Variants in AUTS2 observed in about 807,000 individuals in gnomAD.
The protein encoded by AUTS2 is autism susceptibility gene 2 protein.
A neutral mutation model predicts 112.4 loss-of-function variants in AUTS2; 17 were observed. The observed-to-expected ratio is 0.15, with a 90% CI of 0.10 to 0.23. AUTS2 has a LOEUF of 0.23. Among genes scored for constraint, AUTS2 ranks in the 10% least tolerant of loss-of-function variants. The pLI is 1.00. For synonymous variants in AUTS2, 751 were observed against 702.7 expected, an observed-to-expected ratio of 1.07 and a Z score of -1.09; for missense variants, 1,510 against 1,701.6, an observed-to-expected ratio of 0.89 and a Z score of 1.98.
At chr7:70,712,971 C>T (rs960543590) in intron 6 of AUTS2, among the ~76,000 whole-genome samples, 1 of 152,178 alleles carries the variant, frequency 6.6e-6, no homozygotes, top group Non-Finnish European at 1.5e-5. Flanking sequence ...GCCCCTGCAC[C>T]TACCATTTCC....
intron 2 of AUTS2, among the ~76,000 whole-genome samples, chr7:69,964,491 A>G (rs1003364635): frequency 3.3e-5 from 5 of 152,184 alleles, no homozygotes; most frequent in Non-Finnish European, 7.4e-5. Context: ...AATGACTGCT[A>G]AAATTTAGTA....
chr7:70,233,386 A>G lies in AUTS2; in HGVS notation c.660+98815A>G, dbSNP rs146902631. Among the ~76,000 whole-genome samples, 392 of 152,314 alleles carry G rather than the reference A, an allele frequency of 2.6e-3. 2 individuals carry two copies. The highest frequency in any genetic ancestry group is 3.8e-3 in the African/African-American group (159 of 41,580). Reference sequence around the variant, plus strand: ...AGAGTTGCAATGGTATAGGAACTGTATACGTTTTTCCTATCTATACTGTGG... The same window carrying G: ...AGAGTTGCAATGGTATAGGAACTGTGTACGTTTTTCCTATCTATACTGTGG... On this transcript the variant is annotated intron_variant, in intron 4 of 18. Coordinates refer to ENST00000342771, the MANE Select transcript of AUTS2 (RefSeq NM_015570.4).
At chr7:70,587,658 C>A (rs1301353592) in intron 5 of AUTS2, among the ~76,000 whole-genome samples, 2 of 152,240 alleles carry the variant, frequency 1.3e-5, no homozygotes, top group Admixed American at 1.3e-4. Flanking sequence ...ACATGACTTT[C>A]TGTCTTCCAT....
At chr7:70,680,208 A>G (rs539054845) in intron 5 of AUTS2, among the ~76,000 whole-genome samples, 23 of 152,314 alleles carry the variant, frequency 1.5e-4, no homozygotes, top group Non-Finnish European at 2.9e-4. Flanking sequence ...AAGGAGGAAA[A>G]TATTTATTTT....
chr7:70,645,460 C>T (rs1806107293), intron 5 of AUTS2, among the ~76,000 whole-genome samples: 1 of 152,138 alleles, frequency 6.6e-6, no homozygotes, highest in Non-Finnish European at 1.5e-5. Flanking sequence ...TCTGGTGCTG[C>T]AGCAGCCTTT....
chr7:69,603,619 A>C (rs1165654239), intron 1 of AUTS2, among the ~76,000 whole-genome samples: 1 of 152,208 alleles, frequency 6.6e-6, no homozygotes, highest in Non-Finnish European at 1.5e-5. Context: ...GATTATGAAG[A>C]GCCTCATGAT....
chr7:69,722,529 A>G (rs1296779762), intron 1 of AUTS2, among the ~76,000 whole-genome samples: 1 of 151,930 alleles, frequency 6.6e-6, no homozygotes, highest in Admixed American at 6.6e-5. Flanking sequence ...AGAGCTGGAA[A>G]TTTGCTATGT....
chr7:70,267,065 C>G (rs1234457938), intron 4 of AUTS2, among the ~76,000 whole-genome samples: 2 of 152,170 alleles, frequency 1.3e-5, no homozygotes, highest in African/African-American at 4.8e-5. Context: ...ATTTGCAAAT[C>G]AAATCATATC....
intron 3 of AUTS2, among the ~76,000 whole-genome samples, chr7:70,123,880 T>C (rs1419868545): frequency 6.6e-6 from 1 of 152,240 alleles, no homozygotes; most frequent in Admixed American, 6.5e-5. Flanking sequence ...ATGGGATTGC[T>C]GGGTCAAATG....
intron 2 of AUTS2, among the ~76,000 whole-genome samples, chr7:69,927,205 T>TATAC (rs967968951): frequency 5.4e-5 from 8 of 147,462 alleles, no homozygotes; most frequent in East Asian, 2.0e-4. Context: ...TATATATATA[T>TATAC]ACATACTATA....
chr7:70,187,450 A>G (rs1809662582), intron 4 of AUTS2, among the ~76,000 whole-genome samples: 2 of 152,160 alleles, frequency 1.3e-5, no homozygotes, highest in East Asian at 3.8e-4. Flanking sequence ...AATTTTTTTC[A>G]GTAAGTCTTG....
chr7:70,503,962 T>A (rs1310152620), intron 5 of AUTS2, among the ~76,000 whole-genome samples: 3 of 151,912 alleles, frequency 2.0e-5, no homozygotes, highest in African/African-American at 7.2e-5. Context: ...AGATTTGAGG[T>A]TGCTTGTTAG....
chr7:70,298,896 G>A (rs1026357054), intron 4 of AUTS2, among the ~76,000 whole-genome samples: 2 of 152,200 alleles, frequency 1.3e-5, no homozygotes, highest in African/African-American at 2.4e-5. Flanking sequence ...CCACGTTGCT[G>A]TTCTCTCAGT....
intron 1 of AUTS2, among the ~76,000 whole-genome samples, chr7:69,811,523 C>T (rs1162645929): frequency 6.6e-6 from 1 of 152,232 alleles, no homozygotes; most frequent in Non-Finnish European, 1.5e-5. Context: ...TATTCATTAC[C>T]TTCATGCTCC....
chr7:70,707,710 C>T lies in AUTS2; in HGVS notation c.742+9090C>T, dbSNP rs147751124. Among the ~76,000 whole-genome samples, 240 of 152,278 alleles carry T rather than the reference C, an allele frequency of 1.6e-3. 6 individuals are homozygous for T. The South Asian group carries it at 0.019, about 12-fold the overall frequency. On this transcript the variant is annotated intron_variant, in intron 6 of 18. Coordinates refer to ENST00000342771, the MANE Select transcript of AUTS2 (RefSeq NM_015570.4). ...CAACCATTATCCCATCACCTGTGGC[C>T]AGAGTCGCCATAGTTACTGCAGCGC...
chr7:70,137,580 A>G (rs929171694), intron 4 of AUTS2, among the ~76,000 whole-genome samples: 1 of 152,010 alleles, frequency 6.6e-6, no homozygotes, highest in Non-Finnish European at 1.5e-5. Flanking sequence ...CATAGTGTAT[A>G]ATTAAGAACT....
chr7:70,574,394 T>C (rs1802074141), intron 5 of AUTS2, among the ~76,000 whole-genome samples: 1 of 152,216 alleles, frequency 6.6e-6, no homozygotes, highest in Admixed American at 6.5e-5. Flanking sequence ...TACCCGTATG[T>C]CTTTTTTCTA....
At chr7:69,954,733 G>C (rs1047378982) in intron 2 of AUTS2, among the ~76,000 whole-genome samples, 1 of 152,184 alleles carries the variant, frequency 6.6e-6, no homozygotes, top group African/African-American at 2.4e-5. Context: ...CATAAAGCTG[G>C]TCAGTGGCCC....
At chr7:69,604,159 C>T (rs987794314) in intron 1 of AUTS2, among the ~76,000 whole-genome samples, 1 of 152,172 alleles carries the variant, frequency 6.6e-6, no homozygotes, top group African/African-American at 2.4e-5. Context: ...GACTTTGATG[C>T]GGTCTTCACT....
Sources: gnomAD v4.1 joint callset for allele counts (sites outside exome capture counted in the v4.1 genomes callset) on GRCh38, gnomAD v4.1.1 for gene constraint, MANE v1.5 for transcripts, NCBI Gene and HGNC (gene_info 2026-07-23, HGNC 2026-07-21) for gene names.